The following TSPYL5 variants were observed in gnomAD, a reference collection of about 807,000 sequenced individuals.
The protein encoded by TSPYL5 is TSPY like 5, also known as testis-specific Y-encoded-like protein 5.
For missense variants in TSPYL5, 556 were observed against 555.5 expected, an observed-to-expected ratio of 1.00 and a Z score of -0.01; for synonymous variants, 276 against 236.1, an observed-to-expected ratio of 1.17 and a Z score of -1.55.
chr8:97,276,841 T>G lies in TSPYL5; in HGVS notation c.1004A>C (p.Asp335Ala). 2 of 1,614,114 alleles carry G rather than the reference T, an allele frequency of 1.2e-6. No individual in the cohort carries two copies. The highest frequency in any genetic ancestry group is 2.2e-5 in the South Asian group (2 of 91,074). ...GTTTCCCTGGCTTAGGGACTGGAGA[T>G]CATGCCCTGGGAGCCACTGGATTGG... Reference protein sequence around the residue: ...STPIQWLPGHDLQSLSQGNPE... With the variant: ...STPIQWLPGHALQSLSQGNPE... The change falls in exon 1 of 1, where the codon GAT becomes GCT. Residue 335 changes from aspartate (D) to alanine (A), a missense_variant. Transcript: ENST00000322128.
At position 97,274,386 on chromosome 8, in the gene TSPYL5, C is replaced by T. The variant is rs2130734065; in HGVS notation, c.*2205G>A. ...CACCTAGAACAAAAAAATAAAGCAT[C>T]CAAAGTAACATTATTCCGTTTCTGG... On this transcript the variant is annotated 3_prime_UTR_variant, in exon 1 of 1. Transcript: ENST00000322128. The T allele has an allele frequency of 6.6e-6, 1 of 152,154 alleles. No individual in the cohort carries two copies. Among genetic ancestry groups the T allele is most frequent in the East Asian group, 1.9e-4 (1 of 5,182 alleles). 9.4% of individuals were successfully genotyped at this position (152,154 alleles called of 1,614,324 possible).
chr8:97,277,241 T>C lies in TSPYL5; in HGVS notation c.604A>G (p.Met202Val), dbSNP rs749823659. The C allele has an allele frequency of 4.3e-6, 7 of 1,613,792 alleles. No homozygotes were observed. The highest frequency in any genetic ancestry group is 1.1e-5 in the South Asian group (1 of 91,088). ...GSGPPATEGSMDTLENVQLKL... is the reference protein window; with the variant it reads ...GSGPPATEGSVDTLENVQLKL... ...AGCTGCACGTTCTCCAGCGTATCCA[T>C]GCTGCCTTCCGTCGCTGGGGGCCCC... The change falls in exon 1 of 1, where the codon ATG becomes GTG. Residue 202 changes from methionine to valine, a missense_variant. Coordinates refer to ENST00000322128, the MANE Select transcript of TSPYL5 (RefSeq NM_033512.3). This position sits in a 1 kb window ranked among gnomAD's most constrained non-coding sequence, Gnocchi z 4.5.
Position 97,275,514 on chromosome 8 carries a change from G to A in TSPYL5, c.*1077C>T, listed in dbSNP as rs187462999. 6.6e-6 allele frequency: 1 copy of A among 152,194 alleles called. No individual in the cohort carries two copies. Among genetic ancestry groups the A allele is most frequent in the East Asian group, 1.9e-4 (1 of 5,172 alleles). 9.4% of individuals were successfully genotyped at this position (152,194 alleles called of 1,614,324 possible). ...AGTGACCTGAAGTCAAGCAAGCAGA[G>A]GCCCACAAATCAGAAATACCTCTTC... On this transcript the variant is annotated 3_prime_UTR_variant, in exon 1 of 1. Transcript: ENST00000322128.
chr8:97,274,774 C>G lies in TSPYL5; in HGVS notation c.*1817G>C, dbSNP rs1810485967. 6.6e-6 allele frequency: 1 copy of G among 151,922 alleles called. No homozygotes were observed. The highest frequency in any genetic ancestry group is 1.5e-5 in the Non-Finnish European group (1 of 67,964). 9.4% of individuals were successfully genotyped at this position (151,922 alleles called of 1,614,324 possible). A position where few individuals can be genotyped will look rare whatever the true frequency, so the allele number is the denominator to read the frequency against. ...GGGAAGAACAGGTGTAGATACAGTC[C>G]TTCTTACCCACCCTCAGGGATAAGA... On this transcript the variant is annotated 3_prime_UTR_variant, in exon 1 of 1. Coordinates refer to ENST00000322128, the MANE Select transcript of TSPYL5 (RefSeq NM_033512.3).
chr8:97,274,935 G>A lies in TSPYL5; in HGVS notation c.*1656C>T, dbSNP rs1420599956. 6.6e-6 allele frequency: 1 copy of A among 152,462 alleles called. No homozygotes were observed. Among genetic ancestry groups the A allele is most frequent in the Non-Finnish European group, 1.5e-5 (1 of 68,048 alleles). The allele number at this position is 152,462 out of a possible 1,614,324, so 9.4% of individuals were successfully genotyped here. On this transcript the variant is annotated 3_prime_UTR_variant, in exon 1 of 1. Transcript: ENST00000322128. ...TATTGGAGACTAAAGCCCACTCCTGGGGCTATTTGAGGTAGAAGCAAAGAG... is the reference window on the plus strand; with the variant it reads ...TATTGGAGACTAAAGCCCACTCCTGAGGCTATTTGAGGTAGAAGCAAAGAG...
In TSPYL5 at chr8:97,276,891, A is replaced by G; in HGVS notation, c.954T>C (p.Ser318=). 6.2e-7 allele frequency: 1 copy of G among 1,614,210 alleles called. No individual in the cohort carries two copies. The highest frequency in any genetic ancestry group is 8.5e-7 in the Non-Finnish European group (1 of 1,180,030). Residue 318 remains serine (S), a synonymous_variant, in exon 1 of 1, where the codon TCT becomes TCC. Transcript: ENST00000322128. ...GAGTAGAACGAGACACCACCTGGCC[A>G]GAAGGACCACACCCATATTCCTTGA... ...VLIKEYGCGP[S]GQVVSRSTPI...
rs767199893 is a variant in TSPYL5, at chr8:97,277,382, T to C, written c.463A>G (p.Thr155Ala). Residue 155 changes from threonine to alanine, a missense_variant, in exon 1 of 1, where the codon ACC becomes GCC. Coordinates refer to ENST00000322128, the MANE Select transcript of TSPYL5 (RefSeq NM_033512.3). This position sits in a 1 kb window ranked among gnomAD's most constrained non-coding sequence, Gnocchi z 4.5. ...AGKKAPETCS[T>A]AGRGPQVIAG... ...ATGACCTGAGGCCCCCTCCCCGCGGTGCTACAGGTTTCTGGGGCCTTCTTC... is the reference window on the plus strand; with the variant it reads ...ATGACCTGAGGCCCCCTCCCCGCGGCGCTACAGGTTTCTGGGGCCTTCTTC... The C allele has an allele frequency of 3.8e-6, 6 of 1,594,662 alleles. No homozygotes were observed. The highest frequency in any genetic ancestry group is 3.5e-5 in the Admixed American group (2 of 56,550).
rs147821756 is a variant in TSPYL5 at position 97,277,083 on chromosome 8, T to C, written c.762A>G (p.Gln254=). 37 of 1,613,160 alleles carry C rather than the reference T, an allele frequency of 2.3e-5. No homozygotes were observed. The highest frequency in any genetic ancestry group is 2.8e-5 in the Non-Finnish European group (33 of 1,180,032). Residue 254 remains glutamine (Q), a synonymous_variant, in exon 1 of 1, where the codon CAA becomes CAG. Transcript: ENST00000322128. The surrounding 1 kb of genome is among the most constrained non-coding windows in gnomAD (Gnocchi z 4.5). ...LIQNIPGFWG[Q]AFQNHPQLAS... Reference sequence around the variant, plus strand: ...CTAGCTGGGGATGGTTCTGAAATGCTTGCCCCCAGAAGCCCGGGATATTTT... The same window carrying C: ...CTAGCTGGGGATGGTTCTGAAATGCCTGCCCCCAGAAGCCCGGGATATTTT...
rs759048345 is a variant in TSPYL5, at chr8:97,276,573, AG to A, written c.*17del. 9 of 1,603,480 alleles carry A rather than the reference AG, an allele frequency of 5.6e-6. 1 individual carries two copies. ...CAGGAGCAGCCCAGCAGGAGGTAGC[AG>A]GGAGACTTGTGCAGGATCAGTTGGA... On this transcript the variant is annotated 3_prime_UTR_variant, in exon 1 of 1. Coordinates refer to ENST00000322128, the MANE Select transcript of TSPYL5 (RefSeq NM_033512.3).
At position 97,277,194 on chromosome 8, in the gene TSPYL5, G is replaced by A; in HGVS notation, c.651C>T (p.Ala217=). 1.2e-6 allele frequency: 2 copies of A among 1,612,844 alleles called. No homozygotes were observed. Among genetic ancestry groups the A allele is most frequent in the Non-Finnish European group, 8.5e-7 (1 of 1,180,026 alleles). Residue 217 remains alanine (A), a synonymous_variant, in exon 1 of 1, where the codon GCC becomes GCT. Transcript: ENST00000322128. This position sits in a 1 kb window ranked among gnomAD's most constrained non-coding sequence, Gnocchi z 4.5. ...NVQLKLENMN[A]QADRAYLRLS... ...GCCGAAGGTAGGCCCTGTCCGCCTG[G>A]GCGTTCATGTTCTCCAGCTTCAGCT...
chr8:97,277,753 T>G lies in TSPYL5; in HGVS notation c.92A>C (p.Asp31Ala). The G allele has an allele frequency of 6.5e-7, 1 of 1,543,734 alleles. No individual in the cohort carries two copies. The highest frequency in any genetic ancestry group is 8.7e-7 in the Non-Finnish European group (1 of 1,147,866). The change falls in exon 1 of 1, where the codon GAC becomes GCC. Residue 31 changes from aspartate (D) to alanine (A), a missense_variant. By Grantham distance (126) the Asp-to-Ala change is moderately radical. Transcript: ENST00000322128. The surrounding 1 kb of genome is among the most constrained non-coding windows in gnomAD (Gnocchi z 4.5). The stretch of plus-strand genomic sequence containing the variant: ...TGAAGGGTCCGGGTCGCGCGGGGCG[T>G]CGTCCGGAGCAGGGCGGACTCGGGC... ...AKARVRPAPD[D>A]APRDPDPSQY... is the part of the protein sequence containing the mutation.
At position 97,276,538 on chromosome 8, in the gene TSPYL5, T is replaced by C; in HGVS notation, c.*53A>G. On this transcript the variant is annotated 3_prime_UTR_variant, in exon 1 of 1. Coordinates refer to ENST00000322128, the MANE Select transcript of TSPYL5 (RefSeq NM_033512.3). ...TGAAGAGAAGGCAGAGAGCCAAATA[T>C]GTAGTCAACCAGGAGCAGCCCAGCA... 6.4e-7 allele frequency: 1 copy of C among 1,567,234 alleles called. No homozygotes were observed. The highest frequency in any genetic ancestry group is 1.2e-5 in the South Asian group (1 of 81,274).
Position 97,274,264 on chromosome 8 carries a change from A to G in TSPYL5, c.*2327T>C, listed in dbSNP as rs1401328587. Reference sequence around the variant, plus strand: ...ACAAAAAACAAAAAAGCAGACTTGCACATCTGTATCTTCCCATTAGACTAA... The same window carrying G: ...ACAAAAAACAAAAAAGCAGACTTGCGCATCTGTATCTTCCCATTAGACTAA... On this transcript the variant is annotated 3_prime_UTR_variant, in exon 1 of 1. Coordinates refer to ENST00000322128, the MANE Select transcript of TSPYL5 (RefSeq NM_033512.3). 6.6e-6 allele frequency: 1 copy of G among 152,168 alleles called. No homozygotes were observed. Among genetic ancestry groups the G allele is most frequent in the Non-Finnish European group, 1.5e-5 (1 of 68,028 alleles). The allele number at this position is 152,168 out of a possible 1,614,324, so 9.4% of individuals were successfully genotyped here.
In TSPYL5 at chr8:97,276,540, TAGTC is replaced by T. The variant is rs1388832502; in HGVS notation, c.*47_*50del. ...AAGAGAAGGCAGAGAGCCAAATATG[TAGTC>T]AACCAGGAGCAGCCCAGCAGGAGGT... On this transcript the variant is annotated 3_prime_UTR_variant, in exon 1 of 1. Coordinates refer to ENST00000322128, the MANE Select transcript of TSPYL5 (RefSeq NM_033512.3). 1 of 1,569,128 alleles carries T rather than the reference TAGTC, an allele frequency of 6.4e-7. No homozygotes were observed.
chr8:97,277,317 A>G lies in TSPYL5; in HGVS notation c.528T>C (p.Asn176=). The G allele has an allele frequency of 6.2e-7, 1 of 1,611,434 alleles. No individual in the cohort carries two copies. The highest frequency in any genetic ancestry group is 8.5e-7 in the Non-Finnish European group (1 of 1,178,600). Residue 176 remains asparagine, a synonymous_variant, in exon 1 of 1, where the codon AAT becomes AAC. Coordinates refer to ENST00000322128, the MANE Select transcript of TSPYL5 (RefSeq NM_033512.3). The surrounding 1 kb of genome is among the most constrained non-coding windows in gnomAD (Gnocchi z 4.5). The stretch of plus-strand genomic sequence containing the variant: ...TTTCCTCCCCAGCTGACACCGAGGT[A>G]TTCTCCCCTGCCGCCCCTTTCTTCT... ...GRQKKGAAGE[N]TSVSAGEEKK... is the part of the protein sequence containing the mutation.
At position 97,276,595 on chromosome 8, in the gene TSPYL5, T is replaced by C. The variant is rs1025414231; in HGVS notation, c.1250A>G (p.Asn417Ser). 15 of 1,612,004 alleles carry C rather than the reference T, an allele frequency of 9.3e-6. No homozygotes were observed. The highest frequency in any genetic ancestry group is 1.6e-4 in the Middle Eastern group (1 of 6,066). Residue 417 changes from asparagine (N) to serine (S), a missense_variant, in exon 1 of 1, where the codon AAC (asparagine) becomes AGC (serine). By Grantham distance (46) the Asn-to-Ser change is conservative. Transcript: ENST00000322128. ...ETTQPGVSQS[N>S] ...AGCAGGGAGACTTGTGCAGGATCAG[T>C]TGGATTGGCTCACCCCAGGCTGAGT...
chr8:97,277,484 CAG>C lies in TSPYL5; in HGVS notation c.359_360del (p.Thr120SerfsTer34). The part of the protein sequence containing the change: ...ASLSERLAAD[T>X]VFVGTAGTVG... ...ACGGTTCCCGCTGTTCCCACGAAGA[CAG>C]TGTCTGCGGCCAGGCGCTCCGAGAG... is the stretch of plus-strand genomic sequence containing the variant. On this transcript the variant is annotated frameshift_variant, in exon 1 of 1. Coordinates refer to ENST00000322128, the MANE Select transcript of TSPYL5 (RefSeq NM_033512.3). LOFTEE classifies it low-confidence loss of function (END_TRUNC). This position sits in a 1 kb window ranked among gnomAD's most constrained non-coding sequence, Gnocchi z 4.5. The C allele has an allele frequency of 2.6e-6, 4 of 1,525,772 alleles. No individual in the cohort carries two copies. The highest frequency in any genetic ancestry group is 3.5e-6 in the Non-Finnish European group (4 of 1,139,062). The allele number at this position is 1,525,772 out of a possible 1,614,324, so 94.5% of individuals were successfully genotyped here. A position where few individuals can be genotyped will look rare whatever the true frequency, so the allele number is the denominator to read the frequency against.
chr8:97,276,350 C>A lies in TSPYL5; in HGVS notation c.*241G>T. 1.9e-6 allele frequency: 1 copy of A among 519,494 alleles called. No homozygotes were observed. Among genetic ancestry groups the A allele is most frequent in the Non-Finnish European group, 3.4e-6 (1 of 296,116 alleles). 32.2% of individuals were successfully genotyped at this position (519,494 alleles called of 1,614,324 possible). A position where few individuals can be genotyped will look rare whatever the true frequency, so the allele number is the denominator to read the frequency against. ...AATGTAGATAACAGGGAGCACACAT[C>A]TAAAGTATGTGTGCTTAACATATGA... On this transcript the variant is annotated 3_prime_UTR_variant, in exon 1 of 1. Coordinates refer to ENST00000322128, the MANE Select transcript of TSPYL5 (RefSeq NM_033512.3).
In TSPYL5 at chr8:97,276,620, T is replaced by G; in HGVS notation, c.1225A>C (p.Thr409Pro). ...TTGGATTGGCTCACCCCAGGCTGAG[T>G]AGTCTCCATTGGCTGCTTTCCTGGA... ...QGPGKQPMET[T>P]QPGVSQSN The change falls in exon 1 of 1, where the codon ACT (threonine) becomes CCT (proline). Residue 409 changes from threonine to proline, a missense_variant. Transcript: ENST00000322128. 2 of 1,613,978 alleles carry G rather than the reference T, an allele frequency of 1.2e-6. No homozygotes were observed. Among genetic ancestry groups the G allele is most frequent in the Non-Finnish European group, 1.7e-6 (2 of 1,179,916 alleles).
Sources: gnomAD v4.1 joint callset for allele counts on GRCh38, gnomAD v4.1.1 for gene constraint, Gnocchi (gnomAD v3.1) non-coding constraint, MANE v1.5 for transcripts, NCBI Gene and HGNC (gene_info 2026-07-23, HGNC 2026-07-21) for gene names.